DLGAP4: variants seen among roughly 807,000 people sequenced by gnomAD.
The protein encoded by DLGAP4 is DLG associated protein 4.
Under a neutral mutation model 86.9 loss-of-function variants are expected in DLGAP4, and 18 were observed. The observed-to-expected ratio is 0.21, with a 90% CI of 0.14 to 0.31. DLGAP4 has a LOEUF of 0.31. DLGAP4 is among the 10% of genes least tolerant of loss of function. DLGAP4 has a pLI of 1.00. For missense variants in DLGAP4, 1,085 were observed against 1,362.6 expected (o/e 0.80, Z 3.21); for synonymous variants, 548 against 574.3 (o/e 0.95, Z 0.65).
chr20:36,454,090 G>A (rs1221471195), intron 7 of DLGAP4, among the ~76,000 whole-genome samples: 2 of 151,770 alleles, frequency 1.3e-5, no homozygotes, highest in African/African-American at 2.4e-5. Context: ...GGCCAACATG[G>A]CAAAACCCCG....
intron 5 of DLGAP4, 89 bp downstream of exon 5, chr20:36,439,957 C>A: frequency 1.8e-6 from 2 of 1,141,700 alleles, no homozygotes; most frequent in Non-Finnish European, 2.6e-6. Flanking sequence ...CCAGCCCATG[C>A]TGAGTGGCCC....
chr20:36,475,452 G>A (rs949265830), intron 7 of DLGAP4, among the ~76,000 whole-genome samples: 6 of 151,998 alleles, frequency 3.9e-5, no homozygotes, highest in South Asian at 2.1e-4. Flanking sequence ...CTTGTGATCC[G>A]CCCGCCTCGG....
rs899475638 is a variant in DLGAP4 at position 36,308,012 on chromosome 20, G to A, written c.-304+1500G>A. Among the ~76,000 whole-genome samples, 28 of 152,246 alleles carry A rather than the reference G, an allele frequency of 1.8e-4. No homozygotes were observed. Among genetic ancestry groups the A allele is most frequent in the Non-Finnish European group, 8.8e-5 (6 of 68,036 alleles). On this transcript the variant is annotated intron_variant, in intron 1 of 12. Transcript: ENST00000339266. The surrounding 1 kb of genome is among the most constrained non-coding windows in gnomAD (Gnocchi z 4.5). ...GCTGGTGCCCTGGCCTGGCCGATGG[G>A]TGGCTGGAGTGTTGGAGCCACCACC...
chr20:36,455,976 C>T (rs1014058696), intron 7 of DLGAP4, among the ~76,000 whole-genome samples: 43 of 152,258 alleles, frequency 2.8e-4, no homozygotes, highest in African/African-American at 8.7e-4. Flanking sequence ...CCATCATGTC[C>T]GGAGATTGCA....
Position 36,527,103 on chromosome 20 carries a change from T to G in DLGAP4, c.*72T>G. 7.0e-7 allele frequency: 1 copy of G among 1,419,138 alleles called. No homozygotes were observed. Among genetic ancestry groups the G allele is most frequent in the Non-Finnish European group, 9.5e-7 (1 of 1,056,350 alleles). The allele number at this position is 1,419,138 out of a possible 1,614,324, so 87.9% of individuals were successfully genotyped here. A position where few individuals can be genotyped will look rare whatever the true frequency, so the allele number is the denominator to read the frequency against. ...AAACTAAGTGCGAACGGAACAGAGT[T>G]TTCTCAACCTTTGCTATGGTTATTC... On this transcript the variant is annotated 3_prime_UTR_variant, in exon 13 of 13. Coordinates refer to ENST00000339266, the MANE Select transcript of DLGAP4 (RefSeq NM_001365621.2).
intron 7 of DLGAP4, among the ~76,000 whole-genome samples, chr20:36,484,478 T>G (rs2035322841): frequency 6.6e-6 from 1 of 152,258 alleles, no homozygotes; most frequent in Admixed American, 6.5e-5. Flanking sequence ...CTCTGGCAAC[T>G]GAGCAGGTCC....
intron 2 of DLGAP4, among the ~76,000 whole-genome samples, chr20:36,408,840 G>A (rs1003824806): frequency 6.6e-5 from 10 of 152,126 alleles, no homozygotes; most frequent in Non-Finnish European, 7.4e-5. Flanking sequence ...AACAGAAAAA[G>A]GACGTTAATG....
At chr20:36,526,348 G>A (rs2037759904) in intron 12 of DLGAP4, among the ~76,000 whole-genome samples, 1 of 152,134 alleles carries the variant, frequency 6.6e-6, no homozygotes, top group South Asian at 2.1e-4. Context: ...CTGGGGTCTG[G>A]AGCCAGCTCT....
intron 1 of DLGAP4, among the ~76,000 whole-genome samples, chr20:36,349,778 T>C (rs1448026680): frequency 6.6e-6 from 1 of 152,176 alleles, no homozygotes; most frequent in Non-Finnish European, 1.5e-5. Context: ...AGCTTCCTTT[T>C]CAAGCTCATA....
chr20:36,397,265 G>A (rs1319843573), intron 2 of DLGAP4, among the ~76,000 whole-genome samples: 1 of 152,182 alleles, frequency 6.6e-6, no homozygotes, highest in Non-Finnish European at 1.5e-5. Context: ...TTAGACTTGG[G>A]TGAGTCCTAA....
At chr20:36,347,918 G>A (rs531394650) in intron 1 of DLGAP4, among the ~76,000 whole-genome samples, 5 of 151,890 alleles carry the variant, frequency 3.3e-5, no homozygotes, top group Admixed American at 6.6e-5. Flanking sequence ...GTGTCTCCAC[G>A]ATCATTCAGA....
intron 7 of DLGAP4, chr20:36,492,878 C>T (rs2035727630): frequency 6.6e-6 from 1 of 152,106 alleles, no homozygotes. Flanking sequence ...TCCTGAAATC[C>T]TCAGTGAGTT....
At chr20:36,408,588 C>T (rs1222090601) in intron 2 of DLGAP4, among the ~76,000 whole-genome samples, 1 of 152,214 alleles carries the variant, frequency 6.6e-6, no homozygotes, top group Non-Finnish European at 1.5e-5. Flanking sequence ...CACCCAATGC[C>T]TGTGCTGGGG....
chr20:36,327,199 C>A (rs2065223994), intron 1 of DLGAP4, among the ~76,000 whole-genome samples: 1 of 151,824 alleles, frequency 6.6e-6, no homozygotes, highest in African/African-American at 2.4e-5. Flanking sequence ...GGGGTTTTGC[C>A]ATGTTGGCCG....
intron 1 of DLGAP4, among the ~76,000 whole-genome samples, chr20:36,326,744 G>C (rs1304002487): frequency 2.0e-5 from 3 of 152,018 alleles, no homozygotes; most frequent in Non-Finnish European, 2.9e-5. Context: ...ATTCCTTATA[G>C]TGTGAGTATG....
intron 1 of DLGAP4, among the ~76,000 whole-genome samples, chr20:36,341,245 C>T (rs1201831275): frequency 6.6e-6 from 1 of 152,216 alleles, no homozygotes; most frequent in African/African-American, 2.4e-5. Flanking sequence ...ACTCTCCACC[C>T]GAGTGTACTT....
At chr20:36,512,076 A>T (rs2036733850) in intron 10 of DLGAP4, among the ~76,000 whole-genome samples, 2 of 122,474 alleles carry the variant, frequency 1.6e-5, no homozygotes, top group East Asian at 2.5e-4. Context: ...TTTGAGAGAG[A>T]GTCTTGCTCT....
intron 1 of DLGAP4, among the ~76,000 whole-genome samples, chr20:36,312,375 G>T (rs1466991937): frequency 2.7e-5 from 4 of 148,044 alleles, no homozygotes; most frequent in African/African-American, 1.0e-4. Flanking sequence ...GCGAACACAC[G>T]CACACACACA....
At chr20:36,417,242 G>A (rs1189002715) in intron 2 of DLGAP4, among the ~76,000 whole-genome samples, 1 of 152,198 alleles carries the variant, frequency 6.6e-6, no homozygotes, top group Non-Finnish European at 1.5e-5. Flanking sequence ...GTGAAGTGTT[G>A]AGGGGTGGAT....
Sources: gnomAD v4.1 joint callset for allele counts (sites outside exome capture counted in the v4.1 genomes callset) on GRCh38, gnomAD v4.1.1 for gene constraint, Gnocchi (gnomAD v3.1) non-coding constraint, MANE v1.5 for transcripts, NCBI Gene and HGNC (gene_info 2026-07-23, HGNC 2026-07-21) for gene names.